CACNG1: variants seen among roughly 807,000 people sequenced by gnomAD.
The protein encoded by CACNG1 is voltage-dependent calcium channel gamma-1 subunit.
A neutral mutation model predicts 22.0 loss-of-function variants in CACNG1; 21 were observed. The ratio of observed to expected loss-of-function variants is 0.95; its 90% CI spans 0.68 to 1.37. The LOEUF (loss-of-function observed/expected upper bound fraction) is 1.37. CACNG1 is among the 40% of genes most tolerant of loss of function. CACNG1 has a pLI of 0.00. For missense variants in CACNG1, 291 were observed against 308.6 expected, an observed-to-expected ratio of 0.94 and a Z score of 0.43; for synonymous variants, 127 against 129.2, an observed-to-expected ratio of 0.98 and a Z score of 0.12.
intron 1 of CACNG1, among the ~76,000 whole-genome samples, chr17:67,050,833 T>C (rs1268621085): frequency 2.0e-5 from 3 of 152,194 alleles, no homozygotes; most frequent in African/African-American, 7.2e-5. Context: ...GTTCACCATA[T>C]TTTTAATAAA....
intron 1 of CACNG1, among the ~76,000 whole-genome samples, chr17:67,047,537 T>C (rs1157541928): frequency 6.6e-6 from 1 of 152,090 alleles, no homozygotes; most frequent in Non-Finnish European, 1.5e-5. Flanking sequence ...TCCCAGAGAG[T>C]TGTCATTATT....
At position 67,044,646 on chromosome 17, in the gene CACNG1, G is replaced by A. The variant is rs371173127; in HGVS notation, c.-15G>A. On this transcript the variant is annotated 5_prime_UTR_variant, in exon 1 of 4. Coordinates refer to ENST00000226021, the MANE Select transcript of CACNG1 (RefSeq NM_000727.4). This position sits in a 1 kb window ranked among gnomAD's most constrained non-coding sequence, Gnocchi z 6.9. ...GCCGGACCCTGCCCAGGGCACCCAC[G>A]CCTCGGCGACCACCATGTCCCAGAC... is the stretch of plus-strand genomic sequence containing the variant. 167 of 1,578,780 alleles carry A rather than the reference G, an allele frequency of 1.1e-4. No individual in the cohort carries two copies. Among genetic ancestry groups the A allele is most frequent in the Non-Finnish European group, 1.4e-4 (164 of 1,159,518 alleles).
chr17:67,047,195 T>A (rs539116281), intron 1 of CACNG1, among the ~76,000 whole-genome samples: 15 of 152,224 alleles, frequency 9.9e-5, no homozygotes, highest in African/African-American at 3.4e-4. Context: ...TTACATATAT[T>A]AACTTTGAAA....
chr17:67,051,319 G>A (rs1408861508), intron 1 of CACNG1, among the ~76,000 whole-genome samples: 3 of 152,122 alleles, frequency 2.0e-5, no homozygotes, highest in Non-Finnish European at 4.4e-5. Flanking sequence ...CAGATGCCTG[G>A]CCTGATTTGT....
rs1392519575 is a variant in CACNG1 at position 67,044,863 on chromosome 17, C to A, written c.203C>A (p.Thr68Asn). The change falls in exon 1 of 4, where the codon ACC becomes AAC. Residue 68 changes from threonine (T) to asparagine (N), a missense_variant. Physicochemically the swap from Thr to Asn is moderately conservative, Grantham distance 65 (BLOSUM62 0). Coordinates refer to ENST00000226021, the MANE Select transcript of CACNG1 (RefSeq NM_000727.4). The surrounding 1 kb of genome is among the most constrained non-coding windows in gnomAD (Gnocchi z 6.9). The part of the protein sequence containing the change: ...TKRIPMDDSK[T>N]CGPITLPGEK... The stretch of plus-strand genomic sequence containing the variant: ...CGCATCCCCATGGACGACAGCAAGA[C>A]CTGCGGGCCCATCACCCTGCCCGGG... The A allele has an allele frequency of 1.2e-6, 2 of 1,613,186 alleles. No individual in the cohort carries two copies. The highest frequency in any genetic ancestry group is 8.5e-7 in the Non-Finnish European group (1 of 1,179,924).
In CACNG1 at chr17:67,056,369, A is replaced by C. The variant is rs1045923566; in HGVS notation, c.*98A>C. ...AGGAGGCGGGAGCAATTTTAGCCCC[A>C]CCCTGCTCCCATCTGCCCCCCTGCA... On this transcript the variant is annotated 3_prime_UTR_variant, in exon 4 of 4. Transcript: ENST00000226021. This position sits in a 1 kb window ranked among gnomAD's most constrained non-coding sequence, Gnocchi z 4.3. 17 of 1,034,784 alleles carry C rather than the reference A, an allele frequency of 1.6e-5. No individual in the cohort carries two copies. In the African/African-American group the frequency reaches 2.2e-4, roughly 14 times the overall value. The allele number at this position is 1,034,784 out of a possible 1,614,324, so 64.1% of individuals were successfully genotyped here.
Position 67,044,723 on chromosome 17 carries a change from G to C in CACNG1, c.63G>C (p.Val21=). The part of the protein sequence containing the change: ...VTLFCILAGI[V]LAMTAVVTDH... ...TCTTCTGCATCCTGGCAGGCATCGT[G>C]CTGGCCATGACAGCCGTGGTAACCG... Residue 21 remains valine (V), a synonymous_variant, in exon 1 of 4, where the codon GTG becomes GTC. Transcript: ENST00000226021. The surrounding 1 kb of genome is among the most constrained non-coding windows in gnomAD (Gnocchi z 6.9). 1 of 1,612,220 alleles carries C rather than the reference G, an allele frequency of 6.2e-7. No individual in the cohort carries two copies. Among genetic ancestry groups the C allele is most frequent in the Non-Finnish European group, 8.5e-7 (1 of 1,180,012 alleles).
chr17:67,045,705 T>TTGGTC (rs1204201040), intron 1 of CACNG1, among the ~76,000 whole-genome samples: 2 of 152,012 alleles, frequency 1.3e-5, no homozygotes, highest in Non-Finnish European at 1.5e-5. Context: ...GTACTTTCAG[T>TTGGTC]AGAGACGGGG....
chr17:67,052,379 G>T (rs76363916), intron 1 of CACNG1, among the ~76,000 whole-genome samples: 3 of 152,180 alleles, frequency 2.0e-5, no homozygotes, highest in Non-Finnish European at 4.4e-5. Context: ...CCTGGCTCTG[G>T]GGGGAAGGAG....
rs888897928 is a variant in CACNG1, at chr17:67,052,362, C to T, written c.230-1634C>T. The stretch of plus-strand genomic sequence containing the variant: ...TTTGCTTCCTCAACCTCAGGAGAGG[C>T]AGCAGCCCTGGCTCTGGGGGGAAGG... On this transcript the variant is annotated intron_variant, in intron 1 of 3. Transcript: ENST00000226021. 2.0e-5 allele frequency among the ~76,000 whole-genome samples: 3 copies of T among 152,226 alleles called. No homozygotes were observed. In the South Asian group the frequency reaches 6.2e-4, roughly 32 times the overall value.
chr17:67,048,677 A>T (rs2035711544), intron 1 of CACNG1, among the ~76,000 whole-genome samples: 1 of 152,218 alleles, frequency 6.6e-6, no homozygotes, highest in African/African-American at 2.4e-5. Context: ...AAAACAATTA[A>T]AGATGAAAAT....
rs1345772501 is a variant in CACNG1 at position 67,054,808 on chromosome 17, G to A, written c.305-295G>A. Among the ~76,000 whole-genome samples the A allele has an allele frequency of 2.0e-4, 30 of 147,812 alleles. No homozygotes were observed. Among genetic ancestry groups the A allele is most frequent in the Admixed American group, 2.0e-3 (30 of 14,894 alleles). ...CACACAGACACACACTGACACACAC[G>A]TACAATGACACAGACACAGAGACAC... On this transcript the variant is annotated intron_variant, in intron 2 of 3. Transcript: ENST00000226021. This position sits in a 1 kb window ranked among gnomAD's most constrained non-coding sequence, Gnocchi z 4.6.
chr17:67,056,293 C>G lies in CACNG1; in HGVS notation c.*22C>G, dbSNP rs748932584. ...CTAACCCTCCTGCGGCCCTAGCGAC[C>G]CTCAGGCTTCTTCCCCAGGAAGCGG... On this transcript the variant is annotated 3_prime_UTR_variant, in exon 4 of 4. Transcript: ENST00000226021. The surrounding 1 kb of genome is among the most constrained non-coding windows in gnomAD (Gnocchi z 4.3). 1.2e-6 allele frequency: 2 copies of G among 1,606,116 alleles called. No homozygotes were observed. The highest frequency in any genetic ancestry group is 4.5e-5 in the East Asian group (2 of 44,832).
intron 1 of CACNG1, among the ~76,000 whole-genome samples, chr17:67,049,356 T>C (rs2035715012): frequency 6.6e-6 from 1 of 152,146 alleles, no homozygotes; most frequent in South Asian, 2.1e-4. Flanking sequence ...AATCAACCAC[T>C]GAGAGTTGAG....
At chr17:67,047,577 C>T (rs753369539) in intron 1 of CACNG1, among the ~76,000 whole-genome samples, 5 of 152,156 alleles carry the variant, frequency 3.3e-5, no homozygotes, top group Non-Finnish European at 7.4e-5. Flanking sequence ...CTGAAAACCC[C>T]CACTTGAGAA....
chr17:67,053,958 T>C, intron 1 of CACNG1, 38 bp from the exon 2 acceptor site: 2 of 1,508,924 alleles, frequency 1.3e-6, no homozygotes. Context: ...TGCTACGGGT[T>C]GCTCCCCTCA....
intron 1 of CACNG1, among the ~76,000 whole-genome samples, chr17:67,048,046 A>G (rs1027536961): frequency 2.0e-5 from 3 of 152,220 alleles, no homozygotes; most frequent in African/African-American, 7.2e-5. Context: ...TTGAACAGGG[A>G]TCTCAGTGAT....
Position 67,055,376 on chromosome 17 carries a change from T to G in CACNG1, c.442+136T>G. ...CTCCATCCCCATCCAGGGGCAAACCTGGCCAGGCCATCAGCGACTCCAGGT... is the reference window on the plus strand; with the variant it reads ...CTCCATCCCCATCCAGGGGCAAACCGGGCCAGGCCATCAGCGACTCCAGGT... On this transcript the variant is annotated intron_variant, in intron 3 of 3. Transcript: ENST00000226021. This position sits in a 1 kb window ranked among gnomAD's most constrained non-coding sequence, Gnocchi z 4.5. 9.7e-7 allele frequency: 1 copy of G among 1,027,394 alleles called. No homozygotes were observed. The allele number at this position is 1,027,394 out of a possible 1,614,324, so 63.6% of individuals were successfully genotyped here. A position where few individuals can be genotyped will look rare whatever the true frequency, so the allele number is the denominator to read the frequency against.
intron 1 of CACNG1, among the ~76,000 whole-genome samples, chr17:67,048,848 A>G (rs1428516177): frequency 6.6e-6 from 1 of 152,200 alleles, no homozygotes; most frequent in Non-Finnish European, 1.5e-5. Flanking sequence ...GACCTTTAAG[A>G]TAAGTCAGTT....
Sources: allele counts gnomAD v4.1 joint callset (sites outside exome capture counted in the v4.1 genomes callset), GRCh38; gene constraint gnomAD v4.1.1; non-coding constraint Gnocchi (gnomAD v3.1); transcripts MANE v1.5; gene names NCBI Gene and HGNC (gene_info 2026-07-23, HGNC 2026-07-21).